The following EIF3E variants were observed in gnomAD, a reference collection of about 807,000 sequenced individuals.
EIF3E encodes eIF-3 p48.
EIF3E carries 25 observed loss-of-function variants against 59.3 expected under a neutral mutation model. The ratio of observed to expected loss-of-function variants is 0.42; its 90% CI spans 0.31 to 0.59. The LOEUF (loss-of-function observed/expected upper bound fraction) is 0.59, where lower values mean the gene tolerates loss of function less well. Among genes scored for constraint, EIF3E ranks in the 20% least tolerant of loss-of-function variants. The probability of loss-of-function intolerance (pLI) is 0.15; values close to 1 mark genes in which losing one functional copy is unlikely to be tolerated. For missense variants in EIF3E, 317 were observed against 534.3 expected, an observed-to-expected ratio of 0.59 and a Z score of 4.01; for synonymous variants, 176 against 170.2, an observed-to-expected ratio of 1.03 and a Z score of -0.26.
chr8:108,220,282 CT>C (rs1312306722), intron 7 of EIF3E, among the ~76,000 whole-genome samples: 7 of 152,204 alleles, frequency 4.6e-5, no homozygotes, highest in Admixed American at 4.6e-4. Context: ...TTGGTATTAT[CT>C]TTTAGCGTGT....
At chr8:108,235,705 T>A (rs774241609) in intron 4 of EIF3E, among the ~76,000 whole-genome samples, 5 of 152,220 alleles carry the variant, frequency 3.3e-5, no homozygotes, top group Non-Finnish European at 7.4e-5. Context: ...TGGGGACTTA[T>A]AAAGACCTTG....
chr8:108,235,239 A>G (rs932535486), intron 4 of EIF3E, 137 bp from the exon 5 acceptor site: 3 of 488,696 alleles, frequency 6.1e-6, no homozygotes, highest in East Asian at 6.9e-5. Context: ...AGTCAAATGT[A>G]TCTCTGATTA....
chr8:108,223,803 GAATA>G (rs1815468190), intron 7 of EIF3E, among the ~76,000 whole-genome samples: 1 of 151,610 alleles, frequency 6.6e-6, no homozygotes, highest in Non-Finnish European at 1.5e-5. Flanking sequence ...TTTAGATTCA[GAATA>G]AATTATGGCA....
chr8:108,204,721 T>C (rs1359560168), intron 10 of EIF3E, among the ~76,000 whole-genome samples: 1 of 122,082 alleles, frequency 8.2e-6, no homozygotes, highest in African/African-American at 2.9e-5. Flanking sequence ...ATACTATATA[T>C]AGTATGTATG....
intron 9 of EIF3E, among the ~76,000 whole-genome samples, chr8:108,215,475 G>A (rs1011175677): frequency 1.3e-4 from 19 of 151,994 alleles, no homozygotes; most frequent in Admixed American, 2.0e-4. Flanking sequence ...AAAATTAACC[G>A]GGCGTGGTGG....
At chr8:108,243,827 T>C (rs562572776) in intron 1 of EIF3E, among the ~76,000 whole-genome samples, 1 of 152,126 alleles carries the variant, frequency 6.6e-6, no homozygotes, top group Non-Finnish European at 1.5e-5. Flanking sequence ...CCTTAACTTC[T>C]CATCACTTTG....
At chr8:108,212,989 T>C (rs541821345) in intron 10 of EIF3E, among the ~76,000 whole-genome samples, 1 of 152,292 alleles carries the variant, frequency 6.6e-6, no homozygotes, top group East Asian at 1.9e-4. Flanking sequence ...TGTAGATTTT[T>C]GTCTAGCAGA....
chr8:108,231,964 C>T (rs1815631062), intron 5 of EIF3E: 1 of 151,676 alleles, frequency 6.6e-6, no homozygotes, highest in Non-Finnish European at 1.5e-5. Context: ...TACAATAGCT[C>T]TTTCATAGCT....
intron 12 of EIF3E, among the ~76,000 whole-genome samples, chr8:108,202,385 C>G (rs187820817): frequency 3.3e-5 from 5 of 151,990 alleles, no homozygotes; most frequent in Admixed American, 1.3e-4. Flanking sequence ...CAACTGCTTC[C>G]TAATGACTTC....
At chr8:108,204,782 CAGAGAG>C (rs1180539617) in intron 10 of EIF3E, among the ~76,000 whole-genome samples, 1 of 113,138 alleles carries the variant, frequency 8.8e-6, no homozygotes, top group Admixed American at 8.8e-5. Context: ...GAGAGAGAGA[CAGAGAG>C]AGAGAGAGAG....
chr8:108,202,294 T>C (rs539364928), intron 12 of EIF3E, among the ~76,000 whole-genome samples: 7 of 152,198 alleles, frequency 4.6e-5, no homozygotes, highest in African/African-American at 1.7e-4. Context: ...AATGCATCCT[T>C]CTCATTTGAA....
intron 8 of EIF3E, 93 bp downstream of exon 8, chr8:108,217,241 G>C (rs1008798370): frequency 9.9e-7 from 1 of 1,010,542 alleles, no homozygotes; most frequent in African/African-American, 1.7e-5. Flanking sequence ...AAAAACGTTT[G>C]TACCTTAAGA....
chr8:108,215,729 G>A (rs1264951454), intron 9 of EIF3E, among the ~76,000 whole-genome samples: 1 of 152,084 alleles, frequency 6.6e-6, no homozygotes, highest in African/African-American at 2.4e-5. Context: ...CCAAAATTTT[G>A]GTTCCAAGGG....
chr8:108,238,700 T>C (rs1422878566), intron 3 of EIF3E, among the ~76,000 whole-genome samples: 1 of 151,982 alleles, frequency 6.6e-6, no homozygotes, highest in Non-Finnish European at 1.5e-5. Context: ...AATTGTATAT[T>C]TGTTGCTTTT....
In EIF3E at chr8:108,243,639, A is replaced by G. The variant is rs1242147684; in HGVS notation, c.91-1726T>C. Among the ~76,000 whole-genome samples the G allele has an allele frequency of 9.3e-3, 599 of 64,352 alleles. 2 individuals are homozygous for G. Among genetic ancestry groups the G allele is most frequent in the Non-Finnish European group, 0.015 (492 of 33,500 alleles). 42.2% of individuals were successfully genotyped at this position (64,352 alleles called of 152,430 possible). On this transcript the variant is annotated intron_variant, in intron 1 of 12. Transcript: ENST00000220849. ...GCAAGACTCTGTCTCAAAAAAAAAGAAAAAAAAAAAAAAAAAAAAAAGGAT... is the reference window on the plus strand; with the variant it reads ...GCAAGACTCTGTCTCAAAAAAAAAGGAAAAAAAAAAAAAAAAAAAAAGGAT...
At chr8:108,208,511 A>G (rs2129847873) in intron 10 of EIF3E, among the ~76,000 whole-genome samples, 1 of 152,262 alleles carries the variant, frequency 6.6e-6, no homozygotes, top group South Asian at 2.1e-4. Flanking sequence ...AAAACTGAAA[A>G]TTATCTCTTT....
intron 7 of EIF3E, chr8:108,221,434 C>T (rs1204669438): frequency 6.6e-6 from 1 of 152,060 alleles, no homozygotes; most frequent in Non-Finnish European, 1.5e-5. Flanking sequence ...GAACATGTGA[C>T]AGTTGTGATA....
chr8:108,207,822 C>A (rs1435061806), intron 10 of EIF3E, among the ~76,000 whole-genome samples: 2 of 152,158 alleles, frequency 1.3e-5, no homozygotes, highest in Admixed American at 1.3e-4. Context: ...ACAAATCTTT[C>A]ATCCTCAGTT....
At chr8:108,239,838 G>A in intron 3 of EIF3E, 120 bp downstream of exon 3, 1 of 769,188 alleles carries the variant, frequency 1.3e-6, no homozygotes, top group South Asian at 1.7e-5. Context: ...AATTAAAAAT[G>A]AATAAAGCAC....
Sources: allele counts gnomAD v4.1 joint callset (sites outside exome capture counted in the v4.1 genomes callset), GRCh38; gene constraint gnomAD v4.1.1; transcripts MANE v1.5; gene names NCBI Gene and HGNC (gene_info 2026-07-23, HGNC 2026-07-21).